Variants in RUFY4 observed in about 807,000 individuals in gnomAD.
The protein encoded by RUFY4 is RUN and FYVE domain-containing protein 4.
RUFY4 carries 73 observed loss-of-function variants against 69.0 expected under a neutral mutation model. The ratio of observed to expected loss-of-function variants is 1.06; its 90% CI spans 0.88 to 1.29. The LOEUF (loss-of-function observed/expected upper bound fraction) is 1.29. RUFY4 is among the 50% of genes most tolerant of loss of function. RUFY4 has a pLI of 0.00. For missense variants in RUFY4, 770 were observed against 705.6 expected (o/e 1.09, Z -1.03); for synonymous variants, 287 against 271.8 (o/e 1.06, Z -0.55).
chr2:218,060,648 G>A lies in RUFY4; in HGVS notation c.-1071+1967G>A, dbSNP rs76743183. 2.3e-3 allele frequency: 3,071 copies of A among 1,350,266 alleles called. 37 individuals are homozygous for A. In the African/African-American group the frequency reaches 0.034, roughly 15 times the overall value. The allele number at this position is 1,350,266 out of a possible 1,614,324, so 83.6% of individuals were successfully genotyped here. A position where few individuals can be genotyped will look rare whatever the true frequency, so the allele number is the denominator to read the frequency against. On this transcript the variant is annotated intron_variant and NMD_transcript_variant, in intron 3 of 13. Coordinates refer to the RUFY4 transcript ENST00000457754. ...AGGGCAGCCAGCAGAGCAGGAAAAT[G>A]AGGACAACAGCAAAGATGACCCACA...
At chr2:218,060,065 C>T (rs951884235) in intron 3 of RUFY4, 1 of 254,622 alleles carries the variant, frequency 3.9e-6, no homozygotes, top group Non-Finnish European at 8.0e-6. Context: ...TGTAGATTTT[C>T]ACTTCTTAGA....
intron 3 of RUFY4, among the ~76,000 whole-genome samples, chr2:218,063,892 C>T (rs1689259139): frequency 6.6e-6 from 1 of 152,148 alleles, no homozygotes; most frequent in South Asian, 2.1e-4. Context: ...ACCTCTGAGT[C>T]TCCTCTTCTT....
chr2:218,070,576 T>A, exon 1 of RUFY4: 1 of 1,534,416 alleles, frequency 6.5e-7, no homozygotes, highest in South Asian at 1.2e-5. Flanking sequence ...CAGTCCAAGT[T>A]GCAAGGAATC....
intron 6 of RUFY4, 176 bp downstream of exon 8, chr2:218,074,061 A>AG: frequency 1.5e-6 from 1 of 667,284 alleles, no homozygotes; most frequent in Non-Finnish European, 2.6e-6. Context: ...AGAGGAGGAG[A>AG]GGGCTCCTAT....
intron 3 of RUFY4, among the ~76,000 whole-genome samples, chr2:218,062,769 G>A (rs1262128320): frequency 6.6e-6 from 1 of 152,148 alleles, no homozygotes; most frequent in African/African-American, 2.4e-5. Flanking sequence ...AAGCAAGTGG[G>A]CTCCCTGATT....
intron 2 of RUFY4, among the ~76,000 whole-genome samples, chr2:218,039,447 T>C (rs1171893678): frequency 6.6e-6 from 1 of 152,218 alleles, no homozygotes; most frequent in Non-Finnish European, 1.5e-5. Context: ...CAACCGTTGA[T>C]TGAGCACTTA....
In RUFY4 at chr2:218,043,828, C is replaced by T. The variant is rs374763080; in HGVS notation, c.-1158+8434C>T. On this transcript the variant is annotated intron_variant and NMD_transcript_variant, in intron 2 of 13. Coordinates refer to the RUFY4 transcript ENST00000457754. ...GCCTCCTGCCACCAATCATGGCATC[C>T]AGGCTGCTCAGACGAAGGGGCACCT... is the stretch of plus-strand genomic sequence containing the variant. Among the ~76,000 whole-genome samples, 7 of 152,208 alleles carry T rather than the reference C, an allele frequency of 4.6e-5. No homozygotes were observed. In the East Asian group the frequency reaches 1.4e-3, roughly 29 times the overall value.
chr2:218,070,424 A>G (rs565821766), upstream of RUFY4: 20 of 648,584 alleles, frequency 3.1e-5, 1 homozygote, highest in African/African-American at 3.0e-4. Context: ...ACACTGGCCT[A>G]CAAGATAGAG....
intron 3 of RUFY4, chr2:218,060,065 C>G: frequency 3.9e-6 from 1 of 254,744 alleles, no homozygotes; most frequent in Admixed American, 5.4e-5. Context: ...TGTAGATTTT[C>G]ACTTCTTAGA....
intron 2 of RUFY4, among the ~76,000 whole-genome samples, chr2:218,050,916 A>C (rs1370989670): frequency 6.6e-6 from 1 of 152,268 alleles, no homozygotes; most frequent in African/African-American, 2.4e-5. Flanking sequence ...TGTAAATAAA[A>C]AACAAGGTAT....
chr2:218,062,136 A>G (rs61076266), intron 3 of RUFY4, among the ~76,000 whole-genome samples: 13,805 of 152,276 alleles, frequency 0.091, 2,026 homozygotes, highest in African/African-American at 0.31. Context: ...TCAGTGGCTC[A>G]CGCCTGTAAT....
intron 2 of RUFY4, among the ~76,000 whole-genome samples, chr2:218,057,357 G>A (rs887770323): frequency 4.6e-5 from 7 of 152,128 alleles, no homozygotes; most frequent in African/African-American, 1.4e-4. Context: ...ATACTTCCTA[G>A]ACATTTATCT....
intron 2 of RUFY4, among the ~76,000 whole-genome samples, chr2:218,043,366 A>T (rs766286351): frequency 6.6e-6 from 1 of 152,014 alleles, no homozygotes; most frequent in Non-Finnish European, 1.5e-5. Flanking sequence ...CTCTCAACAG[A>T]AAGGAGGCCC....
intron 8 of RUFY4, among the ~76,000 whole-genome samples, chr2:218,077,386 CTT>C (rs1234312232): frequency 1.3e-5 from 2 of 152,244 alleles, no homozygotes; most frequent in South Asian, 2.1e-4. Context: ...CTCTCTCTCT[CTT>C]TCTTTTTGTA....
At chr2:218,089,688 G>A in intron 10 of RUFY4, 1 of 703,308 alleles carries the variant, frequency 1.4e-6, no homozygotes, top group South Asian at 1.5e-5. Flanking sequence ...TGAGCACAGT[G>A]CTAGGACCAG....
intron 9 of RUFY4, among the ~76,000 whole-genome samples, chr2:218,085,720 CCTAT>C (rs1267237429): frequency 6.6e-6 from 1 of 152,160 alleles, no homozygotes; most frequent in Non-Finnish European, 1.5e-5. Flanking sequence ...CACTCAGGGG[CCTAT>C]CTCCCAAGCA....
At chr2:218,058,538 T>A (rs1689114230) in intron 2 of RUFY4, 1 of 152,180 alleles carries the variant, frequency 6.6e-6, no homozygotes, top group African/African-American at 2.4e-5. Context: ...TTGTACTGAG[T>A]CAGCATGATA....
intron 2 of RUFY4, among the ~76,000 whole-genome samples, chr2:218,046,038 C>T (rs1455421306): frequency 6.6e-6 from 1 of 152,080 alleles, no homozygotes; most frequent in Non-Finnish European, 1.5e-5. Context: ...ATCTCCTGAC[C>T]TCGTGATCCG....
chr2:218,083,116 G>A lies in RUFY4; in HGVS notation c.1362G>A (p.Gln454=), dbSNP rs1689804776. ...GTCTTCCTTCTGTACCCAGGTGTCA[G>A]GAAGAGAGAGCCGAGCTGCAGGCAC... is the stretch of plus-strand genomic sequence containing the variant. The change falls in exon 9 of 11, where the codon CAG becomes CAA. Residue 454 remains glutamine (Q), a synonymous_variant. Coordinates refer to ENST00000344321, the Ensembl canonical transcript of RUFY4. 1.9e-6 allele frequency: 3 copies of A among 1,613,064 alleles called. No individual in the cohort carries two copies. The South Asian group carries it at 3.3e-5, about 18-fold the overall frequency.
Sources: allele counts gnomAD v4.1 joint callset (sites outside exome capture counted in the v4.1 genomes callset), GRCh38; gene constraint gnomAD v4.1.1; transcripts MANE v1.5; gene names NCBI Gene and HGNC (gene_info 2026-07-23, HGNC 2026-07-21).